The following MARK3 variants were observed in gnomAD, a reference collection of about 807,000 sequenced individuals.
The protein encoded by MARK3 is MAP/microtubule affinity-regulating kinase 3.
A neutral mutation model predicts 90.1 loss-of-function variants in MARK3; 46 were observed. The observed-to-expected ratio is 0.51, with a 90% confidence interval of 0.40 to 0.65. MARK3 has a LOEUF of 0.65. Ranked by LOEUF, MARK3 falls within the 30% of genes least tolerant of loss-of-function variation. The probability of loss-of-function intolerance (pLI) is 0.00; values close to 1 mark genes in which losing one functional copy is unlikely to be tolerated. For missense variants in MARK3, 818 were observed against 947.2 expected, an observed-to-expected ratio of 0.86 and a Z score of 1.79; for synonymous variants, 321 against 332.6, an observed-to-expected ratio of 0.97 and a Z score of 0.38.
At chr14:103,401,743 G>A (rs1368302087) in intron 1 of MARK3, among the ~76,000 whole-genome samples, 1 of 152,166 alleles carries the variant, frequency 6.6e-6, no homozygotes, top group Non-Finnish European at 1.5e-5. Context: ...AAGCCAGTAT[G>A]ATGGATATAG....
At chr14:103,389,003 G>A (rs2140431254) in intron 1 of MARK3, among the ~76,000 whole-genome samples, 1 of 152,096 alleles carries the variant, frequency 6.6e-6, no homozygotes, top group Admixed American at 6.5e-5. Context: ...GCTTACCCCA[G>A]GAATCTTATT....
At chr14:103,450,875 AG>A (rs1409124810) in intron 4 of MARK3, among the ~76,000 whole-genome samples, 10 of 114,880 alleles carry the variant, frequency 8.7e-5, no homozygotes, top group African/African-American at 3.3e-4. Context: ...TCATTTTTAA[AG>A]TGTGTGTGTG....
At chr14:103,471,433 C>G (rs2093623246) in intron 12 of MARK3, among the ~76,000 whole-genome samples, 1 of 152,152 alleles carries the variant, frequency 6.6e-6, no homozygotes, top group Admixed American at 6.5e-5. Flanking sequence ...ATGAGAAACA[C>G]CTGGGGCAGA....
intron 15 of MARK3, among the ~76,000 whole-genome samples, chr14:103,496,959 T>C (rs2075381723): frequency 6.6e-6 from 1 of 152,066 alleles, no homozygotes; most frequent in South Asian, 2.1e-4. Context: ...GGAGGATTGC[T>C]CAAACCCAGG....
At chr14:103,478,184 A>G (rs1302366229) in intron 13 of MARK3, among the ~76,000 whole-genome samples, 3 of 151,266 alleles carry the variant, frequency 2.0e-5, no homozygotes, top group African/African-American at 7.3e-5. Flanking sequence ...AATCCCAGCT[A>G]CTCGGGAGGC....
intron 2 of MARK3, among the ~76,000 whole-genome samples, chr14:103,415,221 A>G (rs951265514): frequency 7.5e-6 from 1 of 132,962 alleles, no homozygotes; most frequent in Non-Finnish European, 1.7e-5. Context: ...AGTTGTTTTA[A>G]TTTAACAAAC....
At chr14:103,424,744 A>G (rs2092344784) in intron 2 of MARK3, among the ~76,000 whole-genome samples, 1 of 152,146 alleles carries the variant, frequency 6.6e-6, no homozygotes, top group Non-Finnish European at 1.5e-5. Context: ...GTGTATGTCT[A>G]ACGGTTTCAT....
intron 3 of MARK3, among the ~76,000 whole-genome samples, chr14:103,441,164 G>GGTAT (rs2092842794): frequency 6.6e-6 from 1 of 152,020 alleles, no homozygotes; most frequent in African/African-American, 2.4e-5. Context: ...TCTACTTGAT[G>GGTAT]GTATATCTTC....
At chr14:103,472,939 G>A (rs1435149060) in intron 12 of MARK3, among the ~76,000 whole-genome samples, 1 of 151,784 alleles carries the variant, frequency 6.6e-6, no homozygotes, top group African/African-American at 2.4e-5. Context: ...CTGGGAGGTG[G>A]AGGTTGCAGT....
At chr14:103,425,159 C>T (rs2092359175) in intron 2 of MARK3, among the ~76,000 whole-genome samples, 1 of 152,060 alleles carries the variant, frequency 6.6e-6, no homozygotes. Flanking sequence ...CCAGGATGGT[C>T]TTTGTCTCCT....
In MARK3 at chr14:103,491,980, G is replaced by T; in HGVS notation, c.1790G>T (p.Arg597Leu). Residue 597 changes from arginine to leucine, a missense_variant, in exon 15 of 18, where the codon CGA becomes CTA. Arg to Leu is a moderately radical substitution (Grantham distance 102). This residue lies in a region of MARK3 where 560 missense variants were observed against 613.5 expected (regional missense o/e 0.91). Coordinates refer to ENST00000429436, the MANE Select transcript of MARK3 (RefSeq NM_001128918.3). Reference sequence around the variant, plus strand: ...GAAGCCACACCATTGTCCCAGACTCGAAGCCGAGGCTCCACTAATCTCTTT... The same window carrying T: ...GAAGCCACACCATTGTCCCAGACTCTAAGCCGAGGCTCCACTAATCTCTTT... ...SHEATPLSQT[R>L]SRGSTNLFSK... The T allele has an allele frequency of 3.7e-6, 6 of 1,614,106 alleles. No individual in the cohort carries two copies. The highest frequency in any genetic ancestry group is 5.1e-6 in the Non-Finnish European group (6 of 1,180,034).
intron 2 of MARK3, among the ~76,000 whole-genome samples, chr14:103,419,654 T>C (rs1393878867): frequency 6.6e-6 from 1 of 152,172 alleles, no homozygotes; most frequent in Non-Finnish European, 1.5e-5. Flanking sequence ...AGGGAGCATA[T>C]TAATACCTTT....
At chr14:103,422,434 G>A (rs1414716432) in intron 2 of MARK3, among the ~76,000 whole-genome samples, 1 of 152,152 alleles carries the variant, frequency 6.6e-6, no homozygotes, top group Non-Finnish European at 1.5e-5. Context: ...CAGCCTGGGC[G>A]ATAGAGCAAG....
intron 3 of MARK3, among the ~76,000 whole-genome samples, chr14:103,437,342 C>T (rs943447422): frequency 5.9e-5 from 9 of 151,560 alleles, no homozygotes; most frequent in Non-Finnish European, 2.9e-5. Flanking sequence ...TGCAGTGAGC[C>T]GAGATCACGC....
rs2093491792 is a variant in MARK3 at position 103,465,851 on chromosome 14, A to G, written c.777+58A>G. 3.3e-6 allele frequency: 5 copies of G among 1,535,336 alleles called. No individual in the cohort carries two copies. The Admixed American group carries it at 5.7e-5, about 18-fold the overall frequency. On this transcript the variant is annotated intron_variant, in intron 8 of 17. Transcript: ENST00000429436. ...ACTAAAAGAAGTTTCCTAATATTAC[A>G]TGGCTTAATATTTTTAACATTATAT...
At chr14:103,490,123 G>C (rs1401971848) in intron 14 of MARK3, 1 of 152,254 alleles carries the variant, frequency 6.6e-6, no homozygotes, top group Non-Finnish European at 1.5e-5. Context: ...TTCAAGACCA[G>C]CCTGGGCAAC....
intron 1 of MARK3, among the ~76,000 whole-genome samples, chr14:103,386,697 A>G (rs140636245): frequency 1.3e-5 from 2 of 152,312 alleles, no homozygotes; most frequent in East Asian, 3.9e-4. Context: ...TTGGTTAAAC[A>G]TTTTGAAAAG....
intron 6 of MARK3, among the ~76,000 whole-genome samples, chr14:103,461,705 C>T (rs1237950400): frequency 1.3e-5 from 2 of 152,106 alleles, no homozygotes; most frequent in African/African-American, 2.4e-5. Flanking sequence ...AACTCTCTAA[C>T]CGCTGGTTTG....
intron 15 of MARK3, among the ~76,000 whole-genome samples, chr14:103,493,648 G>A (rs1394525075): frequency 6.6e-6 from 1 of 152,038 alleles, no homozygotes; most frequent in Non-Finnish European, 1.5e-5. Flanking sequence ...GCCAAGGCGG[G>A]TGGATCTCCT....
Sources: gnomAD v4.1 joint callset for allele counts (sites outside exome capture counted in the v4.1 genomes callset) on GRCh38, gnomAD v4.1.1 for gene constraint, gnomAD v4.1.1 regional missense constraint, MANE v1.5 for transcripts, NCBI Gene and HGNC (gene_info 2026-07-23, HGNC 2026-07-21) for gene names.